The following HEPH variants were observed in gnomAD, a reference collection of about 807,000 sequenced individuals.
The protein encoded by HEPH is hephaestin.
HEPH carries 69 observed loss-of-function variants against 80.8 expected under a neutral mutation model. That is an observed-to-expected ratio of 0.85 (90% CI 0.70 to 1.04). The LOEUF (loss-of-function observed/expected upper bound fraction) is 1.04, where lower values mean the gene tolerates loss of function less well. Among genes scored for constraint, HEPH ranks in the 50% least tolerant of loss-of-function variants. The pLI is 0.00. For missense variants in HEPH, 1,115 were observed against 891.3 expected (o/e 1.25, Z -3.20); for synonymous variants, 431 against 322.8 (o/e 1.34, Z -3.60).
At chrX:66,226,774 G>A (rs2089908596) in intron 15 of HEPH, among the ~76,000 whole-genome samples, 1 of 111,316 alleles carries the variant, frequency 9.0e-6, no homozygotes. Context: ...CCAACAGCAA[G>A]CAACGAGATT....
intron 15 of HEPH, among the ~76,000 whole-genome samples, chrX:66,238,301 G>A (rs993900647): frequency 1.8e-5 from 2 of 111,412 alleles, no homozygotes; most frequent in African/African-American, 6.5e-5. Context: ...CTCTTGTAAG[G>A]CAGTTCTGGT....
At chrX:66,186,048 C>G (rs1290225176) in intron 4 of HEPH, among the ~76,000 whole-genome samples, 1 of 19,260 alleles carries the variant, frequency 5.2e-5, no homozygotes, top group Non-Finnish European at 9.1e-5. Flanking sequence ...CTTGAGGAGG[C>G]AGTCTGCCCG....
intron 15 of HEPH, among the ~76,000 whole-genome samples, chrX:66,232,145 A>G (rs981124735): frequency 2.2e-4 from 24 of 110,766 alleles, no homozygotes; most frequent in African/African-American, 7.9e-4. Flanking sequence ...ATCATGGTGG[A>G]TAAGCTTTTT....
chrX:66,210,078 G>A (rs2089027575), intron 15 of HEPH, among the ~76,000 whole-genome samples: 1 of 111,120 alleles, frequency 9.0e-6, no homozygotes, highest in Non-Finnish European at 1.9e-5. Flanking sequence ...ATGAGACCCC[G>A]AGGAAGGCCA....
chrX:66,179,639 T>C (rs1006620444), intron 4 of HEPH, among the ~76,000 whole-genome samples: 2 of 111,621 alleles, frequency 1.8e-5, no homozygotes, highest in Non-Finnish European at 3.8e-5. Flanking sequence ...TGGTGACCTG[T>C]CTAGTGCTGT....
At chrX:66,213,673 C>A (rs2089258792) in intron 15 of HEPH, among the ~76,000 whole-genome samples, 2 of 110,305 alleles carry the variant, frequency 1.8e-5, no homozygotes, top group African/African-American at 6.6e-5. Flanking sequence ...GCAAGAAGAG[C>A]CAAAACATTA....
chrX:66,195,860 G>A lies in HEPH; in HGVS notation c.1501+631G>A, dbSNP rs185429631. Among the ~76,000 whole-genome samples the A allele has an allele frequency of 7.2e-5, 8 of 111,578 alleles. No homozygotes were observed. In the Admixed American group the frequency reaches 7.6e-4, roughly 11 times the overall value. Reference sequence around the variant, plus strand: ...TATCAGGAGAGAATCTTAGAAGTGAGAGTATTGTGTAATTGATTTTTTACT... The same window carrying A: ...TATCAGGAGAGAATCTTAGAAGTGAAAGTATTGTGTAATTGATTTTTTACT... On this transcript the variant is annotated intron_variant, in intron 9 of 20. Coordinates refer to ENST00000343002, the MANE Select transcript of HEPH (RefSeq NM_001367233.3).
chrX:66,259,986 A>T, intron 18 of HEPH, 114 bp from the exon 19 acceptor site: 1 of 573,638 alleles, frequency 1.7e-6, no homozygotes, highest in Non-Finnish European at 2.9e-6. Context: ...TGGTCTAGGA[A>T]CCTTGAAGTC....
At chrX:66,172,952 C>T (rs776171399) in intron 3 of HEPH, among the ~76,000 whole-genome samples, 1 of 112,374 alleles carries the variant, frequency 8.9e-6, no homozygotes, top group South Asian at 3.7e-4. Flanking sequence ...GGATTGTCAT[C>T]CTAGTGTCAC....
intron 13 of HEPH, among the ~76,000 whole-genome samples, chrX:66,204,147 A>C (rs753316346): frequency 8.9e-6 from 1 of 112,152 alleles, no homozygotes; most frequent in African/African-American, 3.2e-5. Flanking sequence ...AAAGAAGTCC[A>C]GGGCAAGCAG....
chrX:66,245,598 A>G (rs2090773003), intron 15 of HEPH, among the ~76,000 whole-genome samples: 1 of 111,434 alleles, frequency 9.0e-6, no homozygotes, highest in Non-Finnish European at 1.9e-5. Flanking sequence ...AAGGATATCC[A>G]GGAACTGAAC....
chrX:66,165,491 G>A (rs2086315870), intron 1 of HEPH, among the ~76,000 whole-genome samples: 1 of 111,544 alleles, frequency 9.0e-6, no homozygotes, highest in African/African-American at 3.3e-5. Context: ...GGATGAGCCT[G>A]TCTAGCCCAA....
At chrX:66,253,529 G>A (rs1417897304) in intron 15 of HEPH, among the ~76,000 whole-genome samples, 1 of 112,242 alleles carries the variant, frequency 8.9e-6, no homozygotes, top group Non-Finnish European at 1.9e-5. Flanking sequence ...AATGCAAAAT[G>A]GTGCACGTGC....
rs1331051293 is a variant in HEPH, at chrX:66,203,539, C to T, written c.2253C>T (p.Ser751=). The change falls in exon 13 of 21, where the codon AGC becomes AGT. Residue 751 remains serine (S), a synonymous_variant. Transcript: ENST00000343002. ...AGTGGGACTATTGCCCTGACCGGAG[C>T]TGGGAACGGGAATGGCACAACCAGT... ...EVEWDYCPDR[S]WEREWHNQSE... 17 of 1,209,936 alleles carry T rather than the reference C, an allele frequency of 1.4e-5. No individual in the cohort carries two copies. The highest frequency in any genetic ancestry group is 1.9e-5 in the Non-Finnish European group (17 of 895,036).
At chrX:66,209,891 G>T (rs2089018045) in intron 15 of HEPH, among the ~76,000 whole-genome samples, 1 of 110,994 alleles carries the variant, frequency 9.0e-6, no homozygotes, top group Non-Finnish European at 1.9e-5. Context: ...TTTGTAAGTT[G>T]ATCAAATATA....
chrX:66,198,462 T>A (rs2088236056), intron 10 of HEPH, among the ~76,000 whole-genome samples: 1 of 111,985 alleles, frequency 8.9e-6, no homozygotes, highest in Non-Finnish European at 1.9e-5. Flanking sequence ...AAGCACTCAG[T>A]AAATGTTAGT....
At chrX:66,218,468 A>G (rs1351766007) in intron 15 of HEPH, among the ~76,000 whole-genome samples, 3 of 112,216 alleles carry the variant, frequency 2.7e-5, no homozygotes, top group African/African-American at 9.7e-5. Flanking sequence ...TGACATCAAG[A>G]TAGAAATTTA....
chrX:66,240,287 T>A (rs1174633036), intron 15 of HEPH, among the ~76,000 whole-genome samples: 1 of 111,027 alleles, frequency 9.0e-6, no homozygotes, highest in African/African-American at 3.3e-5. Context: ...TCGATAAAAC[T>A]CGTCCAAACT....
Position 66,245,544 on chromosome X carries a change from C to T in HEPH, c.2564-9491C>T, listed in dbSNP as rs927031178. 9.0e-5 allele frequency among the ~76,000 whole-genome samples: 10 copies of T among 111,241 alleles called. No individual in the cohort carries two copies. In the East Asian group the frequency reaches 2.8e-3, roughly 32 times the overall value. On this transcript the variant is annotated intron_variant, in intron 15 of 20. Coordinates refer to ENST00000343002, the MANE Select transcript of HEPH (RefSeq NM_001367233.3). ...ACAATAATAATGGGAGACTTTAACA[C>T]CCCACTGTCAACATTAGACAGATCA...
Sources: allele counts gnomAD v4.1 joint callset (sites outside exome capture counted in the v4.1 genomes callset), GRCh38; gene constraint gnomAD v4.1.1; transcripts MANE v1.5; gene names NCBI Gene and HGNC (gene_info 2026-07-23, HGNC 2026-07-21).